DMRT1: variants seen among roughly 807,000 people sequenced by gnomAD.
DMRT1 encodes doublesex and mab-3 related transcription factor 1.
A neutral mutation model predicts 32.3 loss-of-function variants in DMRT1; 7 were observed. The ratio of observed to expected loss-of-function variants is 0.22; its 90% CI spans 0.12 to 0.41. The LOEUF is 0.41. Ranked by LOEUF, DMRT1 falls within the 10% of genes least tolerant of loss-of-function variation. The probability of loss-of-function intolerance (pLI) is 1.00; values close to 1 mark genes in which losing one functional copy is unlikely to be tolerated. For missense variants in DMRT1, 625 were observed against 500.5 expected (o/e 1.25, Z -2.37); for synonymous variants, 278 against 206.1 (o/e 1.35, Z -2.99).
In DMRT1 at chr9:894,049, T is replaced by C. The variant is rs1586579224; in HGVS notation, c.676T>C (p.Tyr226His). 1 of 1,614,252 alleles carries C rather than the reference T, an allele frequency of 6.2e-7. No homozygotes were observed. Among genetic ancestry groups the C allele is most frequent in the East Asian group, 2.2e-5 (1 of 44,890 alleles). The change falls in exon 3 of 5, where the codon TAC (tyrosine) becomes CAC (histidine). Residue 226 changes from tyrosine (Y) to histidine (H), a missense_variant. By Grantham distance (83) the Tyr-to-His change is moderately conservative (BLOSUM62 2). Coordinates refer to ENST00000382276, the MANE Select transcript of DMRT1 (RefSeq NM_021951.3). ...PSLFPYYNNL[Y>H]NCPQYSMALA... ...TCTGTTTCCTTATTACAACAATCTATACAACTGCCCGCAGTACTCCATGGC... is the reference window on the plus strand; with the variant it reads ...TCTGTTTCCTTATTACAACAATCTACACAACTGCCCGCAGTACTCCATGGC...
intron 2 of DMRT1, among the ~76,000 whole-genome samples, chr9:881,608 TG>T (rs1314568612): frequency 1.3e-5 from 2 of 152,220 alleles, no homozygotes; most frequent in African/African-American, 4.8e-5. Context: ...CATTTTAAGT[TG>T]TTTGATTACA....
At chr9:914,250 G>T (rs887253281) in intron 3 of DMRT1, among the ~76,000 whole-genome samples, 1 of 151,968 alleles carries the variant, frequency 6.6e-6, no homozygotes, top group Non-Finnish European at 1.5e-5. Context: ...GCTGTTTTCC[G>T]AGTATAGCTT....
rs570295261 is a variant in DMRT1, at chr9:940,516, G to T, written c.967+23609G>T. 3.9e-3 allele frequency among the ~76,000 whole-genome samples: 590 copies of T among 152,196 alleles called. 4 individuals are homozygous for T. Among genetic ancestry groups the T allele is most frequent in the African/African-American group, 0.014 (562 of 41,528 alleles). ...TCCACATAAAAAAAAAATGAAGTTGGAGTCTTACCTTATACCATATACAAA... is the reference window on the plus strand; with the variant it reads ...TCCACATAAAAAAAAAATGAAGTTGTAGTCTTACCTTATACCATATACAAA... On this transcript the variant is annotated intron_variant, in intron 4 of 4. Transcript: ENST00000382276.
At chr9:931,219 C>T (rs183274743) in intron 4 of DMRT1, among the ~76,000 whole-genome samples, 276 of 152,310 alleles carry the variant, frequency 1.8e-3, no homozygotes, top group Admixed American at 4.8e-3. Context: ...AGTTAAATAA[C>T]GTTCCATTAT....
At chr9:849,603 G>C (rs372469243) in intron 2 of DMRT1, among the ~76,000 whole-genome samples, 3 of 152,204 alleles carry the variant, frequency 2.0e-5, no homozygotes, top group East Asian at 3.8e-4. Context: ...GAAGCAGTAG[G>C]GGGGCAAGAT....
chr9:873,113 T>C (rs1156545476), intron 2 of DMRT1, among the ~76,000 whole-genome samples: 1 of 152,220 alleles, frequency 6.6e-6, no homozygotes, highest in Non-Finnish European at 1.5e-5. Context: ...ACCATCCTAG[T>C]GAGCACGAAG....
Position 968,126 on chromosome 9 carries a change from A to G in DMRT1, c.1109A>G (p.Glu370Gly), listed in dbSNP as rs763714201. ...PSSFTVTPVI[E>G]EDE Reference sequence around the variant, plus strand: ...AGCTTCACAGTCACTCCCGTCATCGAGGAGGACGAGTGAGCAGTGCCTGCT... The same window carrying G: ...AGCTTCACAGTCACTCCCGTCATCGGGGAGGACGAGTGAGCAGTGCCTGCT... The change falls in exon 5 of 5, where the codon GAG becomes GGG. Residue 370 changes from glutamate (E) to glycine (G), a missense_variant. Coordinates refer to ENST00000382276, the MANE Select transcript of DMRT1 (RefSeq NM_021951.3). 12 of 1,611,164 alleles carry G rather than the reference A, an allele frequency of 7.4e-6. No individual in the cohort carries two copies. The South Asian group carries it at 1.2e-4, about 16-fold the overall frequency.
chr9:912,558 G>C (rs1818026254), intron 3 of DMRT1, among the ~76,000 whole-genome samples: 1 of 152,164 alleles, frequency 6.6e-6, no homozygotes, highest in South Asian at 2.1e-4. Flanking sequence ...GCATGGATTT[G>C]AAATTGTGTT....
At chr9:900,352 G>A (rs1459184801) in intron 3 of DMRT1, among the ~76,000 whole-genome samples, 2 of 145,578 alleles carry the variant, frequency 1.4e-5, no homozygotes, top group African/African-American at 4.9e-5. Flanking sequence ...CAGCCAGACA[G>A]GCTCTCGTTT....
intron 4 of DMRT1, among the ~76,000 whole-genome samples, chr9:949,604 T>C (rs942221127): frequency 2.0e-5 from 3 of 152,164 alleles, no homozygotes; most frequent in African/African-American, 7.2e-5. Context: ...CCTACCCTCT[T>C]AGCAAGTTTT....
At chr9:922,667 T>G (rs1818392873) in intron 4 of DMRT1, among the ~76,000 whole-genome samples, 1 of 152,194 alleles carries the variant, frequency 6.6e-6, no homozygotes, top group South Asian at 2.1e-4. Context: ...TGATCTCGGT[T>G]TAAAAGTTAG....
At chr9:900,482 G>A (rs193248355) in intron 3 of DMRT1, among the ~76,000 whole-genome samples, 1 of 152,148 alleles carries the variant, frequency 6.6e-6, no homozygotes, top group Admixed American at 6.5e-5. Context: ...GCTGTGTGGG[G>A]GTGGCCAGAG....
chr9:933,987 G>C (rs1396804965), intron 4 of DMRT1, among the ~76,000 whole-genome samples: 1 of 150,998 alleles, frequency 6.6e-6, no homozygotes, highest in East Asian at 1.9e-4. Flanking sequence ...AACAGAATTA[G>C]TTGATCCTTG....
intron 4 of DMRT1, among the ~76,000 whole-genome samples, chr9:944,781 T>C (rs996685996): frequency 6.6e-6 from 1 of 152,228 alleles, no homozygotes; most frequent in Non-Finnish European, 1.5e-5. Context: ...CAAATGCTTA[T>C]AATAAAAGGT....
intron 2 of DMRT1, among the ~76,000 whole-genome samples, chr9:867,907 T>G (rs1157197416): frequency 6.6e-6 from 1 of 152,254 alleles, no homozygotes; most frequent in Non-Finnish European, 1.5e-5. Context: ...TTCTGTAAAT[T>G]AAGTTATACT....
intron 4 of DMRT1, among the ~76,000 whole-genome samples, chr9:956,408 A>C (rs1325829704): frequency 6.6e-6 from 1 of 152,092 alleles, no homozygotes; most frequent in Non-Finnish European, 1.5e-5. Context: ...ACACTTGAAA[A>C]TGGTTAAGGG....
intron 2 of DMRT1, among the ~76,000 whole-genome samples, chr9:883,151 C>T (rs1816798211): frequency 6.6e-6 from 1 of 151,996 alleles, no homozygotes; most frequent in African/African-American, 2.4e-5. Flanking sequence ...ACGCTGCACT[C>T]CCCTTTGAAC....
At chr9:889,065 G>T (rs1291468406) in intron 2 of DMRT1, among the ~76,000 whole-genome samples, 2 of 152,134 alleles carry the variant, frequency 1.3e-5, no homozygotes, top group Non-Finnish European at 2.9e-5. Context: ...TGGGGCCCAA[G>T]AATTTGCATT....
intron 2 of DMRT1, among the ~76,000 whole-genome samples, chr9:879,250 G>A (rs1297753712): frequency 1.3e-5 from 2 of 152,050 alleles, no homozygotes; most frequent in African/African-American, 2.4e-5. Context: ...TTTTATTTAT[G>A]TGGGTTATAT....
Sources: gnomAD v4.1 joint callset for allele counts (sites outside exome capture counted in the v4.1 genomes callset) on GRCh38, gnomAD v4.1.1 for gene constraint, MANE v1.5 for transcripts, NCBI Gene and HGNC (gene_info 2026-07-23, HGNC 2026-07-21) for gene names.